The following ERC1 variants were observed in gnomAD, a reference collection of about 807,000 sequenced individuals.
The protein encoded by ERC1 is ELKS/RAB6-interacting/CAST family member 1, also known as RAB6 interacting protein 2.
In ERC1, 56 loss-of-function variants were observed where a neutral mutation model predicts 132.0. The ratio of observed to expected loss-of-function variants is 0.42; its 90% CI spans 0.34 to 0.53. The LOEUF is 0.53. ERC1 is among the 20% of genes least tolerant of loss of function. The pLI, the probability that ERC1 is intolerant of heterozygous loss-of-function variation, is 0.03. For synonymous variants in ERC1, 478 were observed against 476.1 expected (o/e 1.00, Z -0.05); for missense variants, 1,202 against 1,349.9 (o/e 0.89, Z 1.72).
At chr12:1,167,983 G>A (rs1952608812) in intron 8 of ERC1, among the ~76,000 whole-genome samples, 1 of 151,918 alleles carries the variant, frequency 6.6e-6, no homozygotes, top group Admixed American at 6.6e-5. Context: ...CCAAGTGCTG[G>A]GATTGCAGGC....
At chr12:1,033,370 C>A (rs1343083639) in intron 2 of ERC1, among the ~76,000 whole-genome samples, 3 of 151,958 alleles carry the variant, frequency 2.0e-5, no homozygotes, top group Non-Finnish European at 4.4e-5. Context: ...CGAGTTTCAC[C>A]ACATTGACCA....
In ERC1 at chr12:1,209,522, T is replaced by G. The variant is rs534362631; in HGVS notation, c.2351+19470T>G. Among the ~76,000 whole-genome samples, 5 of 152,302 alleles carry G rather than the reference T, an allele frequency of 3.3e-5. No homozygotes were observed. The South Asian group carries it at 1.0e-3, about 32-fold the overall frequency. On this transcript the variant is annotated intron_variant, in intron 12 of 18. Coordinates refer to ENST00000360905, the MANE Select transcript of ERC1 (RefSeq NM_178040.4). ...AGTTCATTCATTTGTGTTGTCCTAT[T>G]TATCAACATTTTCTGCCTTGCTCAA...
intron 2 of ERC1, among the ~76,000 whole-genome samples, chr12:1,067,926 CTTTTTT>C (rs71441641): frequency 8.3e-6 from 1 of 120,980 alleles, no homozygotes; most frequent in Admixed American, 8.8e-5. Flanking sequence ...TTAGCCACTG[CTTTTTT>C]TTTTTTTTTT....
chr12:1,392,953 A>C (rs1023177582), intron 16 of ERC1, among the ~76,000 whole-genome samples: 1 of 152,366 alleles, frequency 6.6e-6, no homozygotes, highest in East Asian at 1.9e-4. Flanking sequence ...TTGTACAGAT[A>C]CATATATACA....
chr12:1,310,046 C>G (rs2081184092), intron 15 of ERC1, among the ~76,000 whole-genome samples: 1 of 151,652 alleles, frequency 6.6e-6, no homozygotes, highest in Non-Finnish European at 1.5e-5. Context: ...CTCCCGGGTT[C>G]ACGCCATTCT....
intron 1 of ERC1, among the ~76,000 whole-genome samples, chr12:1,010,673 G>C (rs1278177264): frequency 6.6e-6 from 1 of 151,388 alleles, no homozygotes; most frequent in African/African-American, 2.4e-5. Flanking sequence ...AGCACACCTG[G>C]CTAATTTTTT....
At chr12:1,113,350 C>T (rs906381321) in intron 6 of ERC1, among the ~76,000 whole-genome samples, 7 of 152,104 alleles carry the variant, frequency 4.6e-5, no homozygotes, top group African/African-American at 9.7e-5. Context: ...AAATTATAGA[C>T]GAGGAAACTG....
chr12:1,463,272 G>C (rs562894164), intron 18 of ERC1, among the ~76,000 whole-genome samples: 18 of 152,144 alleles, frequency 1.2e-4, no homozygotes, highest in Non-Finnish European at 2.5e-4. Flanking sequence ...CTCCGGGACC[G>C]CATCAATCAT....
chr12:1,134,422 C>T (rs1949058520), intron 7 of ERC1, among the ~76,000 whole-genome samples: 1 of 151,448 alleles, frequency 6.6e-6, no homozygotes, highest in Admixed American at 6.6e-5. Flanking sequence ...TCATAGCTCA[C>T]TGCAGCCTTG....
At chr12:1,142,634 G>A (rs1342514417) in intron 8 of ERC1, among the ~76,000 whole-genome samples, 19 of 152,222 alleles carry the variant, frequency 1.2e-4, no homozygotes. Context: ...ATACTTGTCT[G>A]CAGAGTGTGT....
intron 16 of ERC1, among the ~76,000 whole-genome samples, chr12:1,407,682 T>G (rs1565371241): frequency 6.6e-6 from 1 of 152,190 alleles, no homozygotes; most frequent in East Asian, 1.9e-4. Context: ...AAACAGAAAT[T>G]TATTTTCTCA....
chr12:1,151,291 A>G (rs921823207), intron 8 of ERC1, among the ~76,000 whole-genome samples: 5 of 152,230 alleles, frequency 3.3e-5, no homozygotes, highest in Non-Finnish European at 5.9e-5. Flanking sequence ...CGGAACATTA[A>G]GGTTGTATGA....
chr12:1,007,972 A>G (rs1964016427), intron 1 of ERC1, among the ~76,000 whole-genome samples: 1 of 152,188 alleles, frequency 6.6e-6, no homozygotes, highest in African/African-American at 2.4e-5. Flanking sequence ...TCAGTGGGAC[A>G]GCAGTGGTCT....
At chr12:1,002,416 A>C (rs755492140) in intron 1 of ERC1, among the ~76,000 whole-genome samples, 5 of 144,784 alleles carry the variant, frequency 3.5e-5, no homozygotes, top group Non-Finnish European at 7.6e-5. Flanking sequence ...TGAACTCCTG[A>C]GCTCAAGTAA....
intron 17 of ERC1, among the ~76,000 whole-genome samples, chr12:1,440,269 A>G (rs1331682676): frequency 5.4e-5 from 7 of 129,632 alleles, no homozygotes; most frequent in African/African-American, 1.9e-4. Context: ...CAGTGGTGCC[A>G]TCTCGGCTCA....
At chr12:1,236,475 T>C (rs1174633165) in intron 12 of ERC1, among the ~76,000 whole-genome samples, 1 of 152,206 alleles carries the variant, frequency 6.6e-6, no homozygotes, top group East Asian at 1.9e-4. Context: ...ATCTCTGACT[T>C]GGTTTCTTTT....
intron 1 of ERC1, among the ~76,000 whole-genome samples, chr12:1,003,778 T>C (rs897126096): frequency 1.3e-5 from 2 of 152,178 alleles, no homozygotes; most frequent in Non-Finnish European, 2.9e-5. Context: ...ATCTGTTACA[T>C]AGTCGGCAGA....
At chr12:1,345,187 C>CTTTTTTTTTTTTTTTTTTT (rs573681390) in intron 15 of ERC1, among the ~76,000 whole-genome samples, 5 of 131,492 alleles carry the variant, frequency 3.8e-5, no homozygotes, top group Admixed American at 1.6e-4. Context: ...AATATTTCTT[C>CTTTTTTTTTTTTTTTTTTT]TTTTTTTTTT....
intron 14 of ERC1, among the ~76,000 whole-genome samples, chr12:1,286,293 CA>C (rs71293127): frequency 0.012 from 1,010 of 81,248 alleles, 6 homozygotes; most frequent in African/African-American, 0.045. Flanking sequence ...GACTCCATCT[CA>C]AAAAAAAAAA....
Sources: allele counts gnomAD v4.1 joint callset (sites outside exome capture counted in the v4.1 genomes callset), GRCh38; gene constraint gnomAD v4.1.1; transcripts MANE v1.5; gene names NCBI Gene and HGNC (gene_info 2026-07-23, HGNC 2026-07-21).